Variants in SFXN5 observed in about 807,000 individuals in gnomAD.
SFXN5 encodes sideroflexin 5.
SFXN5 carries 43 observed loss-of-function variants against 50.2 expected under a neutral mutation model. The observed-to-expected ratio is 0.86, with a 90% CI of 0.67 to 1.11. SFXN5 has a LOEUF of 1.11. Ranked by LOEUF, SFXN5 falls within the 50% of genes least tolerant of loss-of-function variation. The pLI is 0.00. For synonymous variants in SFXN5, 203 were observed against 185.8 expected, an observed-to-expected ratio of 1.09 and a Z score of -0.75; for missense variants, 463 against 454.1, an observed-to-expected ratio of 1.02 and a Z score of -0.18.
intron 3 of SFXN5, among the ~76,000 whole-genome samples, chr2:73,029,105 G>A (rs538615238): frequency 6.6e-6 from 1 of 152,174 alleles, no homozygotes; most frequent in Admixed American, 6.5e-5. Context: ...TGGAAATGAC[G>A]TTCGCCAGTT....
intron 6 of SFXN5, among the ~76,000 whole-genome samples, chr2:73,009,624 C>T (rs1675236459): frequency 6.6e-6 from 1 of 152,230 alleles, no homozygotes; most frequent in Non-Finnish European, 1.5e-5. Flanking sequence ...ATCAAGTATT[C>T]ACACAGGATC....
intron 1 of SFXN5, chr2:73,070,959 G>A (rs1440824372): frequency 6.6e-6 from 1 of 152,376 alleles, no homozygotes; most frequent in African/African-American, 2.4e-5. Context: ...GTCCCCTCAG[G>A]GCATCGGCCG....
chr2:72,956,544 G>T (rs1311907820), intron 13 of SFXN5, among the ~76,000 whole-genome samples: 1 of 152,202 alleles, frequency 6.6e-6, no homozygotes, highest in African/African-American at 2.4e-5. Flanking sequence ...GAGGGTCACA[G>T]AATTCTTCTG....
intron 1 of SFXN5, among the ~76,000 whole-genome samples, chr2:73,064,278 T>C (rs968278925): frequency 2.6e-5 from 4 of 152,272 alleles, no homozygotes; most frequent in African/African-American, 9.6e-5. Context: ...GCAGAAAGGC[T>C]GGGCCAGCCC....
intron 9 of SFXN5, among the ~76,000 whole-genome samples, chr2:72,989,047 G>A (rs770013364): frequency 6.6e-6 from 1 of 152,194 alleles, no homozygotes; most frequent in Non-Finnish European, 1.5e-5. Flanking sequence ...GCTTTCTCAT[G>A]TGTGCCACAC....
chr2:73,069,101 T>G (rs1216783418), intron 1 of SFXN5, among the ~76,000 whole-genome samples: 1 of 152,128 alleles, frequency 6.6e-6, no homozygotes, highest in Non-Finnish European at 1.5e-5. Flanking sequence ...TGGGGGCCCC[T>G]TCAGAAGTGA....
At chr2:72,989,891 C>T (rs933278323) in intron 9 of SFXN5, among the ~76,000 whole-genome samples, 9 of 152,240 alleles carry the variant, frequency 5.9e-5, no homozygotes, top group Admixed American at 2.6e-4. Context: ...TGGCAGGACT[C>T]CTGGCCTGAC....
At chr2:73,039,925 C>T (rs1197316410) in intron 3 of SFXN5, among the ~76,000 whole-genome samples, 1 of 151,984 alleles carries the variant, frequency 6.6e-6, no homozygotes, top group Admixed American at 6.6e-5. Flanking sequence ...ATTCTCCTGC[C>T]TCAACCTCAT....
At chr2:73,010,920 T>G (rs929336920) in intron 6 of SFXN5, among the ~76,000 whole-genome samples, 11 of 152,034 alleles carry the variant, frequency 7.2e-5, no homozygotes, top group African/African-American at 2.4e-4. Context: ...CTAAACACTT[T>G]CATTAGAAGG....
chr2:73,023,135 G>A, intron 4 of SFXN5, 53 bp downstream of exon 4: 1 of 1,572,540 alleles, frequency 6.4e-7, no homozygotes, highest in Non-Finnish European at 8.7e-7. Flanking sequence ...ACAGGGCAGG[G>A]TGGAGTCCAG....
chr2:73,025,266 C>A (rs1677414547), intron 3 of SFXN5, among the ~76,000 whole-genome samples: 1 of 152,148 alleles, frequency 6.6e-6, no homozygotes, highest in Admixed American at 6.5e-5. Context: ...AGGCCCTGTA[C>A]ACAGACTCCT....
intron 3 of SFXN5, among the ~76,000 whole-genome samples, chr2:73,026,515 A>G (rs1677577542): frequency 6.6e-6 from 1 of 152,108 alleles, no homozygotes. Flanking sequence ...TAAGATTACA[A>G]GAGAGGTGAA....
Position 73,004,315 on chromosome 2 carries a change from G to GCGCA in SFXN5, c.358-2738_358-2737insTGCG, listed in dbSNP as rs777120545. On this transcript the variant is annotated intron_variant, in intron 6 of 13. Coordinates refer to ENST00000272433, the MANE Select transcript of SFXN5 (RefSeq NM_144579.3). ...CCAGAGGAGAGGAATGAGTGCGCGC[G>GCGCA]CACACACACACACACACACACACAC... 4.8e-4 allele frequency among the ~76,000 whole-genome samples: 55 copies of GCGCA among 115,666 alleles called. 1 individual carries two copies. Among genetic ancestry groups the GCGCA allele is most frequent in the African/African-American group, 8.7e-4 (32 of 36,594 alleles). The allele number at this position is 115,666 out of a possible 152,430, so 75.9% of individuals were successfully genotyped here.
intron 13 of SFXN5, among the ~76,000 whole-genome samples, chr2:72,956,656 G>A (rs1398248686): frequency 6.6e-6 from 1 of 152,116 alleles, no homozygotes; most frequent in East Asian, 1.9e-4. Context: ...AAGGAATATT[G>A]ATACCTACCT....
At chr2:72,982,476 G>A (rs898088044) in intron 10 of SFXN5, among the ~76,000 whole-genome samples, 3 of 152,246 alleles carry the variant, frequency 2.0e-5, no homozygotes, top group Admixed American at 6.5e-5. Context: ...TTGTGCCAAA[G>A]CACTCATTTG....
At chr2:73,008,999 G>A (rs950182754) in intron 6 of SFXN5, among the ~76,000 whole-genome samples, 5 of 152,142 alleles carry the variant, frequency 3.3e-5, no homozygotes, top group Admixed American at 2.6e-4. Context: ...AGCTGGGGAT[G>A]TGCACCTGGG....
chr2:72,970,932 C>T (rs1675092654), intron 11 of SFXN5, among the ~76,000 whole-genome samples: 1 of 152,170 alleles, frequency 6.6e-6, no homozygotes, highest in South Asian at 2.1e-4. Flanking sequence ...AGGCGATCCA[C>T]CCACTTTGGC....
At chr2:73,038,995 C>T (rs761748971) in intron 3 of SFXN5, among the ~76,000 whole-genome samples, 2 of 152,116 alleles carry the variant, frequency 1.3e-5, no homozygotes, top group Admixed American at 6.6e-5. Flanking sequence ...GGCGTGATCT[C>T]GACTCACTGC....
chr2:72,960,543 C>T lies in SFXN5; in HGVS notation c.945+588G>A, dbSNP rs1179543154. 5.3e-5 allele frequency among the ~76,000 whole-genome samples: 8 copies of T among 152,126 alleles called. No individual in the cohort carries two copies. The highest frequency in any genetic ancestry group is 1.2e-4 in the Non-Finnish European group (8 of 68,026). On this transcript the variant is annotated intron_variant, in intron 13 of 13. Coordinates refer to ENST00000272433, the MANE Select transcript of SFXN5 (RefSeq NM_144579.3). This position sits in a 1 kb window ranked among gnomAD's most constrained non-coding sequence, Gnocchi z 6.1. ...GGAGCTCTAACCCAGCCCCACGCGG[C>T]AGCACAGGGGCCGCTCAGAATCAGG...
Sources: gnomAD v4.1 joint callset for allele counts (sites outside exome capture counted in the v4.1 genomes callset) on GRCh38, gnomAD v4.1.1 for gene constraint, Gnocchi (gnomAD v3.1) non-coding constraint, MANE v1.5 for transcripts, NCBI Gene and HGNC (gene_info 2026-07-23, HGNC 2026-07-21) for gene names.